The following ZBTB20 variants were observed in gnomAD, a reference collection of about 807,000 sequenced individuals.
ZBTB20 encodes zinc finger and BTB domain-containing protein 20.
Under a neutral mutation model 56.9 loss-of-function variants are expected in ZBTB20, and 9 were observed. The ratio of observed to expected loss-of-function variants is 0.16; its 90% CI spans 0.10 to 0.28. ZBTB20 has a LOEUF of 0.28. Among genes scored for constraint, ZBTB20 ranks in the 10% least tolerant of loss-of-function variants. The probability of loss-of-function intolerance (pLI) is 1.00; values close to 1 mark genes in which losing one functional copy is unlikely to be tolerated. For missense variants in ZBTB20, 655 were observed against 1,003.0 expected (o/e 0.65, Z 4.69); for synonymous variants, 417 against 420.7 (o/e 0.99, Z 0.11).
At chr3:114,574,777 C>T (rs576870840) in intron 6 of ZBTB20, among the ~76,000 whole-genome samples, 32 of 152,264 alleles carry the variant, frequency 2.1e-4, no homozygotes, top group African/African-American at 6.7e-4. Flanking sequence ...CATGTCAGTC[C>T]TGATCAAGAA....
chr3:114,697,409 G>A (rs1450832915), intron 5 of ZBTB20, among the ~76,000 whole-genome samples: 2 of 151,914 alleles, frequency 1.3e-5, no homozygotes, highest in Non-Finnish European at 2.9e-5. Flanking sequence ...GCCAGTTAAG[G>A]TGCTGACAAT....
At chr3:114,753,429 A>ACACACACACG (rs71146335) in intron 5 of ZBTB20, among the ~76,000 whole-genome samples, 1,468 of 143,884 alleles carry the variant, frequency 0.01, 428 homozygotes, top group African/African-American at 0.035. Flanking sequence ...ATATATATAT[A>ACACACACACG]TATACACACA....
intron 5 of ZBTB20, among the ~76,000 whole-genome samples, chr3:114,695,064 A>C (rs2062922756): frequency 6.6e-6 from 1 of 152,086 alleles, no homozygotes; most frequent in South Asian, 2.1e-4. Flanking sequence ...TGGTACTATT[A>C]TGTGCCAGAC....
At chr3:114,612,148 C>A (rs1251920425) in intron 6 of ZBTB20, among the ~76,000 whole-genome samples, 1 of 152,170 alleles carries the variant, frequency 6.6e-6, no homozygotes, top group African/African-American at 2.4e-5. Context: ...ACCTTTTATT[C>A]CATTATCTTT....
intron 6 of ZBTB20, among the ~76,000 whole-genome samples, chr3:114,633,599 G>A (rs368114161): frequency 5.3e-5 from 8 of 152,098 alleles, no homozygotes; most frequent in African/African-American, 1.9e-4. Flanking sequence ...ATTTTTACCT[G>A]TTCTCATTCA....
At chr3:114,456,295 A>C (rs1347849042) in intron 7 of ZBTB20, among the ~76,000 whole-genome samples, 1 of 152,060 alleles carries the variant, frequency 6.6e-6, no homozygotes, top group East Asian at 1.9e-4. Context: ...AAAGCAGAAA[A>C]ATATAATATT....
chr3:114,723,034 G>C (rs760679160), intron 5 of ZBTB20, among the ~76,000 whole-genome samples: 4 of 152,194 alleles, frequency 2.6e-5, no homozygotes, highest in African/African-American at 7.2e-5. Flanking sequence ...GATTTGAAGA[G>C]TGAGCTCTGA....
intron 10 of ZBTB20, among the ~76,000 whole-genome samples, chr3:114,355,574 T>C (rs1343219388): frequency 1.3e-5 from 2 of 152,148 alleles, no homozygotes; most frequent in Admixed American, 6.5e-5. Flanking sequence ...TTTTTAACAC[T>C]AATACAGTGG....
chr3:114,933,183 C>G (rs2076418106), intron 3 of ZBTB20, among the ~76,000 whole-genome samples: 1 of 152,170 alleles, frequency 6.6e-6, no homozygotes, highest in Non-Finnish European at 1.5e-5. Context: ...TAAGCCTGGG[C>G]ACCCCAAAGA....
intron 7 of ZBTB20, among the ~76,000 whole-genome samples, chr3:114,482,486 T>C (rs1384546375): frequency 6.6e-6 from 1 of 152,210 alleles, no homozygotes; most frequent in East Asian, 1.9e-4. Context: ...AATGGGTCAG[T>C]CACTCTTAAA....
rs2079081837 is a variant in ZBTB20, at chr3:114,326,886, T to C, written c.*12119A>G. On this transcript the variant is annotated 3_prime_UTR_variant, in exon 12 of 12. Coordinates refer to ENST00000675478, the MANE Select transcript of ZBTB20 (RefSeq NM_001348800.3). ...CAATCTCAGAACATTTCCTAAGCTA[T>C]ATTTGTAAATTCTAGAGCTACATAT... The C allele has an allele frequency of 1.3e-5, 2 of 152,190 alleles. No individual in the cohort carries two copies. Among genetic ancestry groups the C allele is most frequent in the African/African-American group, 4.8e-5 (2 of 41,446 alleles). The allele number at this position is 152,190 out of a possible 1,614,324, so 9.4% of individuals were successfully genotyped here. A position where few individuals can be genotyped will look rare whatever the true frequency, so the allele number is the denominator to read the frequency against.
intron 6 of ZBTB20, among the ~76,000 whole-genome samples, chr3:114,611,734 A>G (rs917710398): frequency 9.9e-5 from 15 of 152,232 alleles, no homozygotes; most frequent in Non-Finnish European, 7.4e-5. Context: ...TTGAGTCTTG[A>G]TTGCTCTTTA....
At chr3:114,762,106 C>A (rs1386045220) in intron 5 of ZBTB20, among the ~76,000 whole-genome samples, 2 of 152,072 alleles carry the variant, frequency 1.3e-5, no homozygotes, top group African/African-American at 2.4e-5. Context: ...TATAGTTGAA[C>A]TGGTTGTGTT....
Position 114,859,466 on chromosome 3 carries a change from A to T in ZBTB20, c.-417+40838T>A, listed in dbSNP as rs537706835. Among the ~76,000 whole-genome samples the T allele has an allele frequency of 4.7e-5, 7 of 150,218 alleles. No homozygotes were observed. In the South Asian group the frequency reaches 1.1e-3, roughly 23 times the overall value. ...CTTCCTTCCTTCAATTTGGTGGAGG[A>T]GGTGCAAAAATTTGAGTAAGAAAAT... On this transcript the variant is annotated intron_variant, in intron 4 of 11. Transcript: ENST00000675478.
chr3:114,395,429 TC>T (rs1462978284), intron 7 of ZBTB20, among the ~76,000 whole-genome samples: 1 of 152,100 alleles, frequency 6.6e-6, no homozygotes, highest in East Asian at 1.9e-4. Flanking sequence ...ATTTTTAAGG[TC>T]CCTTAAAACT....
chr3:114,574,552 T>G (rs2053798139), intron 6 of ZBTB20, among the ~76,000 whole-genome samples: 1 of 152,208 alleles, frequency 6.6e-6, no homozygotes, highest in Admixed American at 6.5e-5. Flanking sequence ...CTCTTTATAT[T>G]CTTTTTAGCC....
intron 1 of ZBTB20, among the ~76,000 whole-genome samples, chr3:115,138,537 G>C (rs1320814103): frequency 6.6e-6 from 1 of 152,042 alleles, no homozygotes; most frequent in African/African-American, 2.4e-5. Flanking sequence ...AATCGTCCCA[G>C]AATAGTGGTC....
chr3:115,038,467 T>G (rs2108378729), intron 2 of ZBTB20, among the ~76,000 whole-genome samples: 1 of 152,238 alleles, frequency 6.6e-6, no homozygotes, highest in East Asian at 1.9e-4. Flanking sequence ...GTAAATACAA[T>G]TAGTACATTG....
intron 2 of ZBTB20, among the ~76,000 whole-genome samples, chr3:115,010,383 C>A (rs1316467833): frequency 6.6e-6 from 1 of 151,934 alleles, no homozygotes; most frequent in Non-Finnish European, 1.5e-5. Context: ...CACAAGGGAG[C>A]TTGGGTTACT....
Sources: allele counts gnomAD v4.1 joint callset (sites outside exome capture counted in the v4.1 genomes callset), GRCh38; gene constraint gnomAD v4.1.1; transcripts MANE v1.5; gene names NCBI Gene and HGNC (gene_info 2026-07-23, HGNC 2026-07-21).